Variants in SIAH3 observed in about 807,000 individuals in gnomAD.
The protein encoded by SIAH3 is seven in absentia homolog 3.
A neutral mutation model predicts 12.6 loss-of-function variants in SIAH3; 9 were observed. The ratio of observed to expected loss-of-function variants is 0.72; its 90% CI spans 0.43 to 1.25. The LOEUF (loss-of-function observed/expected upper bound fraction) is 1.25. Ranked by LOEUF, SIAH3 falls within the 50% of genes most tolerant of loss-of-function variation. The pLI, the probability that SIAH3 is intolerant of heterozygous loss-of-function variation, is 0.00. For synonymous variants in SIAH3, 154 were observed against 151.1 expected, an observed-to-expected ratio of 1.02 and a Z score of -0.14; for missense variants, 390 against 365.4, an observed-to-expected ratio of 1.07 and a Z score of -0.55.
intron 1 of SIAH3, among the ~76,000 whole-genome samples, chr13:45,815,449 C>T (rs1450379614): frequency 2.0e-5 from 3 of 152,146 alleles, no homozygotes; most frequent in Non-Finnish European, 4.4e-5. Flanking sequence ...CTCCAGTCTG[C>T]CTGCCTGCCT....
At chr13:45,842,487 C>T (rs1950743613) in intron 1 of SIAH3, among the ~76,000 whole-genome samples, 1 of 152,102 alleles carries the variant, frequency 6.6e-6, no homozygotes, top group Non-Finnish European at 1.5e-5. Context: ...ATAGCTGACA[C>T]TACAGGTGTG....
intron 1 of SIAH3, among the ~76,000 whole-genome samples, chr13:45,844,651 T>C (rs1950752471): frequency 6.6e-6 from 1 of 152,216 alleles, no homozygotes. Context: ...TCCATATACA[T>C]ACATATCTTA....
intron 1 of SIAH3, among the ~76,000 whole-genome samples, chr13:45,788,723 T>C (rs1950535776): frequency 6.6e-6 from 1 of 152,210 alleles, no homozygotes; most frequent in Non-Finnish European, 1.5e-5. Flanking sequence ...CTGCTCCCTG[T>C]GGTCACCAAG....
At chr13:45,790,786 G>A (rs767777181) in intron 1 of SIAH3, among the ~76,000 whole-genome samples, 5 of 152,192 alleles carry the variant, frequency 3.3e-5, no homozygotes, top group East Asian at 1.9e-4. Context: ...ATCAGCTGCC[G>A]TAAGACAGGA....
At position 45,780,698 on chromosome 13, in the gene SIAH3, T is replaced by C. The variant is rs1950500693; in HGVS notation, c.*2685A>G. On this transcript the variant is annotated 3_prime_UTR_variant, in exon 2 of 2. Coordinates refer to ENST00000400405, the MANE Select transcript of SIAH3 (RefSeq NM_198849.3). ...CAGTCCACTGGTAAGCTGGCAAGAC[T>C]GCTGAATATTTCGGATCAGTCTTAC... The C allele has an allele frequency of 6.6e-6, 1 of 152,244 alleles. No homozygotes were observed. The highest frequency in any genetic ancestry group is 2.1e-4 in the South Asian group (1 of 4,828). The allele number at this position is 152,244 out of a possible 1,614,324, so 9.4% of individuals were successfully genotyped here.
At chr13:45,830,353 T>C (rs918922567) in intron 1 of SIAH3, among the ~76,000 whole-genome samples, 3 of 152,152 alleles carry the variant, frequency 2.0e-5, no homozygotes, top group Admixed American at 2.0e-4. Context: ...AGGACAGACC[T>C]GCAGAAGACA....
At chr13:45,846,183 G>C (rs956407531) in intron 1 of SIAH3, among the ~76,000 whole-genome samples, 1 of 137,390 alleles carries the variant, frequency 7.3e-6, no homozygotes, top group Non-Finnish European at 1.5e-5. Flanking sequence ...TCTGCCTCCC[G>C]GGTTCAAGCG....
chr13:45,829,842 T>C (rs566750246), intron 1 of SIAH3, among the ~76,000 whole-genome samples: 1 of 152,284 alleles, frequency 6.6e-6, no homozygotes, highest in East Asian at 1.9e-4. Context: ...AGCAATTATC[T>C]TGTTTTTAGA....
chr13:45,823,477 C>T (rs1255080676), intron 1 of SIAH3, among the ~76,000 whole-genome samples: 1 of 152,240 alleles, frequency 6.6e-6, no homozygotes, highest in Non-Finnish European at 1.5e-5. Flanking sequence ...CCTTAAATCT[C>T]AGTCTACTTC....
At chr13:45,796,145 C>A (rs888538525) in intron 1 of SIAH3, among the ~76,000 whole-genome samples, 1 of 151,964 alleles carries the variant, frequency 6.6e-6, no homozygotes, top group Non-Finnish European at 1.5e-5. Flanking sequence ...GGTGGTGGCT[C>A]TATGGATATG....
At chr13:45,814,081 A>G (rs1234121342) in intron 1 of SIAH3, among the ~76,000 whole-genome samples, 2 of 151,908 alleles carry the variant, frequency 1.3e-5, no homozygotes, top group Non-Finnish European at 2.9e-5. Context: ...TACTAAAAAT[A>G]CGAAAAAATT....
chr13:45,786,720 C>T (rs1020046894), intron 1 of SIAH3, among the ~76,000 whole-genome samples: 2 of 152,172 alleles, frequency 1.3e-5, no homozygotes, highest in Non-Finnish European at 2.9e-5. Context: ...GCAGTCTGTG[C>T]CTGCCTGTCT....
Position 45,821,002 on chromosome 13 carries a change from T to G in SIAH3, c.135+30493A>C, listed in dbSNP as rs78399579. On this transcript the variant is annotated intron_variant, in intron 1 of 1. Coordinates refer to ENST00000400405, the MANE Select transcript of SIAH3 (RefSeq NM_198849.3). ...CCCCTCTGTCCCTTCTGCATATATA[T>G]GAGTACCATTATGGGTTGAATAGTC... Among the ~76,000 whole-genome samples, 704 of 152,336 alleles carry G rather than the reference T, an allele frequency of 4.6e-3. 1 individual carries two copies. Among genetic ancestry groups the G allele is most frequent in the Non-Finnish European group, 7.5e-3 (511 of 68,022 alleles).
intron 1 of SIAH3, among the ~76,000 whole-genome samples, chr13:45,833,468 C>T (rs1366702456): frequency 6.7e-6 from 1 of 148,964 alleles, no homozygotes; most frequent in African/African-American, 2.5e-5. Flanking sequence ...CAAGAAATTA[C>T]ACACACACAT....
chr13:45,828,099 T>C (rs759734492), intron 1 of SIAH3, among the ~76,000 whole-genome samples: 4 of 152,230 alleles, frequency 2.6e-5, no homozygotes, highest in Admixed American at 6.5e-5. Flanking sequence ...ACCTCAGTTT[T>C]CTCACCTGTA....
chr13:45,806,605 A>G (rs914799491), intron 1 of SIAH3, among the ~76,000 whole-genome samples: 19 of 152,196 alleles, frequency 1.2e-4, no homozygotes, highest in Admixed American at 4.6e-4. Flanking sequence ...TTGAAAAAGT[A>G]TCTATTGCGT....
chr13:45,820,900 T>A (rs1950653465), intron 1 of SIAH3, among the ~76,000 whole-genome samples: 1 of 152,182 alleles, frequency 6.6e-6, no homozygotes, highest in African/African-American at 2.4e-5. Context: ...CGTAACATAC[T>A]CTCTTCCAGG....
At chr13:45,823,529 T>C (rs1950663713) in intron 1 of SIAH3, among the ~76,000 whole-genome samples, 1 of 152,220 alleles carries the variant, frequency 6.6e-6, no homozygotes, top group Non-Finnish European at 1.5e-5. Flanking sequence ...AAATCTACCG[T>C]TGATATGCCT....
chr13:45,821,812 C>T (rs902283208), intron 1 of SIAH3, among the ~76,000 whole-genome samples: 8 of 152,096 alleles, frequency 5.3e-5, no homozygotes, highest in East Asian at 1.9e-4. Context: ...TTGCTCAGCA[C>T]GTTGGGTAGG....
Sources: gnomAD v4.1 joint callset for allele counts (sites outside exome capture counted in the v4.1 genomes callset) on GRCh38, gnomAD v4.1.1 for gene constraint, MANE v1.5 for transcripts, NCBI Gene and HGNC (gene_info 2026-07-23, HGNC 2026-07-21) for gene names.